NR2F1: variants seen among roughly 807,000 people sequenced by gnomAD.
The protein encoded by NR2F1 is COUP transcription factor 1.
Under a neutral mutation model 37.7 loss-of-function variants are expected in NR2F1, and 1 was observed. The observed-to-expected ratio is 0.03, with a 90% CI of 0.01 to 0.13. The LOEUF (loss-of-function observed/expected upper bound fraction) is 0.13. Among genes scored for constraint, NR2F1 ranks in the 10% least tolerant of loss-of-function variants. The pLI, the probability that NR2F1 is intolerant of heterozygous loss-of-function variation, is 1.00. For synonymous variants in NR2F1, 275 were observed against 259.6 expected (o/e 1.06, Z -0.57); for missense variants, 268 against 578.4 (o/e 0.46, Z 5.50).
Position 93,593,908 on chromosome 5 carries a change from T to G in NR2F1, c.*66T>G. 6.6e-7 allele frequency: 1 copy of G among 1,511,586 alleles called. No individual in the cohort carries two copies. Among genetic ancestry groups the G allele is most frequent in the Non-Finnish European group, 9.0e-7 (1 of 1,111,564 alleles). The allele number at this position is 1,511,586 out of a possible 1,614,324, so 93.6% of individuals were successfully genotyped here. A position where few individuals can be genotyped will look rare whatever the true frequency, so the allele number is the denominator to read the frequency against. ...CAGAGGACCCACCTGGGCCAAGGAC[T>G]CCAAAGCCGCGGGGACACCGGGAAG... On this transcript the variant is annotated 3_prime_UTR_variant, in exon 3 of 3. Transcript: ENST00000327111. This position sits in a 1 kb window ranked among gnomAD's most constrained non-coding sequence, Gnocchi z 5.6.
chr5:93,588,880 C>A (rs1222982005), intron 2 of NR2F1, among the ~76,000 whole-genome samples: 1 of 151,540 alleles, frequency 6.6e-6, no homozygotes, highest in Non-Finnish European at 1.5e-5. Context: ...CTGGGGGAGG[C>A]GAGGGAAGGA....
chr5:93,584,838 CGGCGGCGGA>C lies in NR2F1; in HGVS notation c.-182_-174del. 6.3e-6 allele frequency: 1 copy of C among 158,498 alleles called. No individual in the cohort carries two copies. The highest frequency in any genetic ancestry group is 1.7e-4 in the South Asian group (1 of 5,754). The allele number at this position is 158,498 out of a possible 1,614,324, so 9.8% of individuals were successfully genotyped here. On this transcript the variant is annotated 5_prime_UTR_variant, in exon 1 of 3. Transcript: ENST00000327111. ...GAGGCAGTAGCGGCGGCAGCGGCGG[CGGCGGCGGA>C]GGCAGCGGCCGGTGTCCGGCTCGGG...
In NR2F1 at chr5:93,583,902, T is replaced by G. The variant is rs1753174111; in HGVS notation, c.-1122T>G. ...AATTATCCCGTATTTTTCTCCCCCT[T>G]CCGTCACCTCCCGAAAGAAGAAGGC... On this transcript the variant is annotated 5_prime_UTR_variant, in exon 1 of 3. Transcript: ENST00000327111. 1 of 152,478 alleles carries G rather than the reference T, an allele frequency of 6.6e-6. No homozygotes were observed. The highest frequency in any genetic ancestry group is 6.5e-5 in the Admixed American group (1 of 15,284). 9.4% of individuals were successfully genotyped at this position (152,478 alleles called of 1,614,324 possible). A position where few individuals can be genotyped will look rare whatever the true frequency, so the allele number is the denominator to read the frequency against.
rs375427215 is a variant in NR2F1, at chr5:93,585,317, C to T, written c.294C>T (p.Tyr98=). ...GGGACAAGTCGAGCGGCAAGCACTA[C>T]GGCCAATTCACCTGCGAGGGCTGCA... is the stretch of plus-strand genomic sequence containing the variant. ...VCGDKSSGKH[Y]GQFTCEGCKS... Residue 98 remains tyrosine, a synonymous_variant, in exon 1 of 3, where the codon TAC becomes TAT. Transcript: ENST00000327111. 2 of 1,612,518 alleles carry T rather than the reference C, an allele frequency of 1.2e-6. No individual in the cohort carries two copies. Among genetic ancestry groups the T allele is most frequent in the Admixed American group, 1.7e-5 (1 of 59,870 alleles).
In NR2F1 at chr5:93,588,256, C is replaced by A. The variant is rs1313433161; in HGVS notation, c.803C>A (p.Ser268Tyr). Reference sequence around the variant, plus strand: ...TTCGTGCTCAACGCGGCCCAGTGCTCTATGCCGCTGCACGTGGCGCCGTTG... The same window carrying A: ...TTCGTGCTCAACGCGGCCCAGTGCTATATGCCGCTGCACGTGGCGCCGTTG... Reference protein sequence around the residue: ...ELFVLNAAQCSMPLHVAPLLA... With the variant: ...ELFVLNAAQCYMPLHVAPLLA... The change falls in exon 2 of 3, where the codon TCT (serine) becomes TAT (tyrosine). Residue 268 changes from serine to tyrosine, a missense_variant. Ser to Tyr is a moderately radical substitution (Grantham distance 144, BLOSUM62 -2). This residue lies in a region of NR2F1 where 21 missense variants were observed against 94.5 expected (regional missense o/e 0.22). Transcript: ENST00000327111. The A allele has an allele frequency of 1.2e-6, 2 of 1,613,554 alleles. No homozygotes were observed. Among genetic ancestry groups the A allele is most frequent in the Non-Finnish European group, 1.7e-6 (2 of 1,179,936 alleles).
intron 1 of NR2F1, among the ~76,000 whole-genome samples, chr5:93,586,561 C>T (rs1753238157): frequency 6.6e-6 from 1 of 152,114 alleles, no homozygotes; most frequent in African/African-American, 2.4e-5. Flanking sequence ...GTCAAATTAG[C>T]GAACCAGTCA....
At chr5:93,587,776 T>A in intron 1 of NR2F1, 141 bp from the exon 2 acceptor site, 1 of 851,730 alleles carries the variant, frequency 1.2e-6, no homozygotes, top group South Asian at 1.8e-5. Context: ...GTGTGGACTG[T>A]GAGAGCGAGC....
At position 93,583,296 on chromosome 5, in the gene NR2F1, T is replaced by TCC. The variant is rs749552272; in HGVS notation, c.-1728_-1727insCC. The stretch of plus-strand genomic sequence containing the variant: ...GTCTCTCTCTCTCTCTCTCTCTCTC[T>TCC]TCTTCTCTTCTCTCTCTCTCTCTCT... On this transcript the variant is annotated 5_prime_UTR_variant, in exon 1 of 3. Coordinates refer to ENST00000327111, the MANE Select transcript of NR2F1 (RefSeq NM_005654.6). The TCC allele has an allele frequency of 6.8e-6, 1 of 146,974 alleles. No individual in the cohort carries two copies. The highest frequency in any genetic ancestry group is 2.5e-5 in the African/African-American group (1 of 40,262). The allele number at this position is 146,974 out of a possible 1,614,324, so 9.1% of individuals were successfully genotyped here. A position where few individuals can be genotyped will look rare whatever the true frequency, so the allele number is the denominator to read the frequency against.
intron 2 of NR2F1, among the ~76,000 whole-genome samples, chr5:93,590,335 G>A (rs116414865): frequency 5.7e-4 from 87 of 152,220 alleles, no homozygotes; most frequent in African/African-American, 2.0e-3. Context: ...CCTTGACTTT[G>A]CTAATCTCAT....
At chr5:93,590,136 T>G (rs1753305988) in intron 2 of NR2F1, among the ~76,000 whole-genome samples, 1 of 152,264 alleles carries the variant, frequency 6.6e-6, no homozygotes, top group Non-Finnish European at 1.5e-5. Context: ...GGGGCCTGGC[T>G]GGCTCTCTAC....
chr5:93,587,320 G>A (rs1753249161), intron 1 of NR2F1: 1 of 152,228 alleles, frequency 6.6e-6, no homozygotes, highest in Non-Finnish European at 1.5e-5. Context: ...TGGGGCGACG[G>A]GGAGGAGGGG....
intron 2 of NR2F1, among the ~76,000 whole-genome samples, chr5:93,592,686 C>A (rs1392448965): frequency 6.9e-6 from 1 of 144,590 alleles, no homozygotes; most frequent in Non-Finnish European, 1.5e-5. Flanking sequence ...CCCCCTACCC[C>A]CCCAGTTCTG....
Position 93,593,431 on chromosome 5 carries a change from T to C in NR2F1, c.992-131T>C. The stretch of plus-strand genomic sequence containing the variant: ...GGTATAGGAGGGTGAATTTTTCTTT[T>C]CTCTTTTACTTCTTTTTTATTTTCC... On this transcript the variant is annotated intron_variant, in intron 2 of 2. Coordinates refer to ENST00000327111, the MANE Select transcript of NR2F1 (RefSeq NM_005654.6). This position sits in a 1 kb window ranked among gnomAD's most constrained non-coding sequence, Gnocchi z 5.6. 1.0e-6 allele frequency: 1 copy of C among 971,788 alleles called. No homozygotes were observed. Among genetic ancestry groups the C allele is most frequent in the Non-Finnish European group, 1.5e-6 (1 of 651,614 alleles). 60.2% of individuals were successfully genotyped at this position (971,788 alleles called of 1,614,324 possible).
At position 93,584,996 on chromosome 5, in the gene NR2F1, C is replaced by A. The variant is rs1326939288; in HGVS notation, c.-28C>A. ...GCGGCCCTCGGCGAGCAGCTCGGCTCCCCCCAGCGCTCCCCGGGCCCAAAG... is the reference window on the plus strand; with the variant it reads ...GCGGCCCTCGGCGAGCAGCTCGGCTACCCCCAGCGCTCCCCGGGCCCAAAG... On this transcript the variant is annotated 5_prime_UTR_variant, in exon 1 of 3. Coordinates refer to ENST00000327111, the MANE Select transcript of NR2F1 (RefSeq NM_005654.6). The A allele has an allele frequency of 2.4e-5, 24 of 984,110 alleles. No homozygotes were observed. Among genetic ancestry groups the A allele is most frequent in the Non-Finnish European group, 2.8e-5 (23 of 827,518 alleles). 61.0% of individuals were successfully genotyped at this position (984,110 alleles called of 1,614,324 possible).
rs1753384500 is a variant in NR2F1 at position 93,594,189 on chromosome 5, C to G, written c.*347C>G. 3.7e-6 allele frequency: 1 copy of G among 271,282 alleles called. No homozygotes were observed. Among genetic ancestry groups the G allele is most frequent in the Non-Finnish European group, 7.0e-6 (1 of 143,278 alleles). The allele number at this position is 271,282 out of a possible 1,614,324, so 16.8% of individuals were successfully genotyped here. Reference sequence around the variant, plus strand: ...AAACAGAAGGAAACTAATGGACCTTCCAGGATTTATTGTGGACGGATGTGG... The same window carrying G: ...AAACAGAAGGAAACTAATGGACCTTGCAGGATTTATTGTGGACGGATGTGG... On this transcript the variant is annotated 3_prime_UTR_variant, in exon 3 of 3. Transcript: ENST00000327111.
chr5:93,591,389 A>G (rs1195872727), intron 2 of NR2F1, among the ~76,000 whole-genome samples: 1 of 152,190 alleles, frequency 6.6e-6, no homozygotes, highest in African/African-American at 2.4e-5. Flanking sequence ...CCTGTTGCAA[A>G]GGGGTGAATG....
chr5:93,593,587 C>G lies in NR2F1; in HGVS notation c.1017C>G (p.Ala339=), dbSNP rs149123352. 1.9e-6 allele frequency: 3 copies of G among 1,613,834 alleles called. No individual in the cohort carries two copies. The highest frequency in any genetic ancestry group is 1.7e-4 in the Middle Eastern group (1 of 6,058). The part of the protein sequence containing the change: ...TSDACGLSDA[A]HIESLQEKSQ... Reference sequence around the variant, plus strand: ...ACGCCTGTGGCCTGTCGGATGCGGCCCACATCGAGAGCCTGCAGGAGAAGT... The same window carrying G: ...ACGCCTGTGGCCTGTCGGATGCGGCGCACATCGAGAGCCTGCAGGAGAAGT... The change falls in exon 3 of 3, where the codon GCC becomes GCG. Residue 339 remains alanine (A), a synonymous_variant. Coordinates refer to ENST00000327111, the MANE Select transcript of NR2F1 (RefSeq NM_005654.6). This position sits in a 1 kb window ranked among gnomAD's most constrained non-coding sequence, Gnocchi z 5.6.
chr5:93,590,851 T>C (rs1237346384), intron 2 of NR2F1, among the ~76,000 whole-genome samples: 1 of 152,258 alleles, frequency 6.6e-6, no homozygotes, highest in Non-Finnish European at 1.5e-5. Flanking sequence ...CTTAATATTC[T>C]GGACTGCATC....
chr5:93,587,849 TGCGGC>T lies in NR2F1; in HGVS notation c.464-62_464-58del, dbSNP rs1465075899. ...AGCTTCTGCATTGTGTTGGGTACGC[TGCGGC>T]GCGGCAATGTTCGCAAGCTCCCTGG... On this transcript the variant is annotated intron_variant, in intron 1 of 2. Transcript: ENST00000327111. 2.7e-6 allele frequency: 4 copies of T among 1,475,356 alleles called. No homozygotes were observed. The East Asian group carries it at 9.1e-5, about 34-fold the overall frequency. The allele number at this position is 1,475,356 out of a possible 1,614,324, so 91.4% of individuals were successfully genotyped here. A position where few individuals can be genotyped will look rare whatever the true frequency, so the allele number is the denominator to read the frequency against.
Sources: allele counts gnomAD v4.1 joint callset (sites outside exome capture counted in the v4.1 genomes callset), GRCh38; gene constraint gnomAD v4.1.1; regional missense constraint gnomAD v4.1.1; non-coding constraint Gnocchi (gnomAD v3.1); transcripts MANE v1.5; gene names NCBI Gene and HGNC (gene_info 2026-07-23, HGNC 2026-07-21).